The following HIVEP3 variants were observed in gnomAD, a reference collection of about 807,000 sequenced individuals.
HIVEP3 encodes HIVEP zinc finger 3, also known as transcription factor HIVEP3.
HIVEP3 carries 49 observed loss-of-function variants against 152.8 expected under a neutral mutation model. That is an observed-to-expected ratio of 0.32 (90% CI 0.26 to 0.41). The LOEUF (loss-of-function observed/expected upper bound fraction) is 0.41, where lower values mean the gene tolerates loss of function less well. Among genes scored for constraint, HIVEP3 ranks in the 10% least tolerant of loss-of-function variants. The pLI is 1.00. For synonymous variants in HIVEP3, 1,269 were observed against 1,289.0 expected (o/e 0.98, Z 0.33); for missense variants, 2,790 against 3,103.3 (o/e 0.90, Z 2.40).
At chr1:41,699,822 C>T (rs1190807653) in intron 2 of HIVEP3, among the ~76,000 whole-genome samples, 1 of 152,028 alleles carries the variant, frequency 6.6e-6, no homozygotes, top group African/African-American at 2.4e-5. Context: ...CCCTCCCACA[C>T]CCCGGTAGGG....
At chr1:41,744,121 C>A (rs566583281) in intron 1 of HIVEP3, among the ~76,000 whole-genome samples, 1 of 152,028 alleles carries the variant, frequency 6.6e-6, no homozygotes, top group Non-Finnish European at 1.5e-5. Flanking sequence ...CTCACTGCAA[C>A]CTCCGCCTCC....
At chr1:41,656,672 G>A (rs913411758) in intron 2 of HIVEP3, among the ~76,000 whole-genome samples, 16 of 152,188 alleles carry the variant, frequency 1.1e-4, no homozygotes, top group African/African-American at 3.4e-4. Flanking sequence ...TTTGTTCAGA[G>A]CCAGGTACTT....
At chr1:42,014,001 C>G (rs1331549995) in intron 1 of HIVEP3, among the ~76,000 whole-genome samples, 1 of 152,226 alleles carries the variant, frequency 6.6e-6, no homozygotes, top group African/African-American at 2.4e-5. Context: ...TGCACCCAGT[C>G]TGTCCTATGA....
At chr1:41,951,134 C>T (rs1338762746) in intron 1 of HIVEP3, among the ~76,000 whole-genome samples, 1 of 152,166 alleles carries the variant, frequency 6.6e-6, no homozygotes, top group East Asian at 1.9e-4. Flanking sequence ...ACATTAAAGT[C>T]TTTGACCATA....
intron 3 of HIVEP3, among the ~76,000 whole-genome samples, chr1:41,600,877 G>A (rs1644736572): frequency 6.6e-6 from 1 of 152,020 alleles, no homozygotes; most frequent in Non-Finnish European, 1.5e-5. Context: ...TTACATCCAA[G>A]TCTTTAATCC....
At chr1:41,933,450 A>G (rs1645004834) in intron 1 of HIVEP3, among the ~76,000 whole-genome samples, 1 of 152,118 alleles carries the variant, frequency 6.6e-6, no homozygotes, top group South Asian at 2.1e-4. Flanking sequence ...CATTGTTCTA[A>G]AAGTCTCACT....
intron 1 of HIVEP3, among the ~76,000 whole-genome samples, chr1:41,901,079 T>C (rs1004955812): frequency 2.0e-5 from 3 of 151,856 alleles, no homozygotes; most frequent in Non-Finnish European, 4.4e-5. Context: ...GCACTCGTCC[T>C]TAGGAGGAGG....
intron 2 of HIVEP3, among the ~76,000 whole-genome samples, chr1:41,653,953 C>CAAA (rs55707109): frequency 2.6e-4 from 12 of 46,208 alleles, no homozygotes; most frequent in Admixed American, 6.1e-4. Context: ...TTTTCTACTG[C>CAAA]AAAAAAAAAA....
intron 2 of HIVEP3, among the ~76,000 whole-genome samples, chr1:41,684,113 G>A (rs1293068029): frequency 1.3e-5 from 2 of 152,244 alleles, no homozygotes; most frequent in Non-Finnish European, 2.9e-5. Context: ...CCAGCAAGGG[G>A]AAGTGGTTAA....
At position 41,581,463 on chromosome 1, in the gene HIVEP3, C is replaced by T. The variant is rs1644407114; in HGVS notation, c.3335G>A (p.Gly1112Glu). 1.3e-6 allele frequency: 2 copies of T among 1,574,500 alleles called. No individual in the cohort carries two copies. The highest frequency in any genetic ancestry group is 1.4e-5 in the African/African-American group (1 of 73,782). The stretch of plus-strand genomic sequence containing the variant: ...TGCTTCTGTGTAGGGCACAGTGGGC[C>T]CCAATGGGGGCCTGTCCTGCCCTGG... ...KGPGQDRPPL[G>E]PTVPYTEALQ... The change falls in exon 4 of 9, where the codon GGG becomes GAG. Residue 1112 changes from glycine (G) to glutamate (E), a missense_variant. Physicochemically the swap from Gly to Glu is moderately conservative, Grantham distance 98 (BLOSUM62 -2). Coordinates refer to ENST00000372583, the MANE Select transcript of HIVEP3 (RefSeq NM_024503.5). This position sits in a 1 kb window ranked among gnomAD's most constrained non-coding sequence, Gnocchi z 4.5.
chr1:41,738,565 TAG>T (rs1384626593), intron 1 of HIVEP3, among the ~76,000 whole-genome samples: 1 of 152,178 alleles, frequency 6.6e-6, no homozygotes, highest in Non-Finnish European at 1.5e-5. Flanking sequence ...AGAAAGATAG[TAG>T]AGTCTGAGGC....
At chr1:41,744,261 G>T (rs1037514333) in intron 1 of HIVEP3, among the ~76,000 whole-genome samples, 18 of 152,232 alleles carry the variant, frequency 1.2e-4, no homozygotes, top group African/African-American at 2.4e-4. Flanking sequence ...GGATGGTCTC[G>T]ATCTCCTGAC....
At chr1:41,797,181 C>T (rs1359944344) in intron 1 of HIVEP3, among the ~76,000 whole-genome samples, 1 of 152,228 alleles carries the variant, frequency 6.6e-6, no homozygotes, top group South Asian at 2.1e-4. Context: ...CCAGGTCCCA[C>T]ACCTGGCTGA....
chr1:42,012,689 C>CAATAAA (rs60595950), intron 1 of HIVEP3, among the ~76,000 whole-genome samples: 4 of 150,382 alleles, frequency 2.7e-5, no homozygotes, highest in Non-Finnish European at 4.4e-5. Context: ...GACTCCCTCT[C>CAATAAA]AATAAAAATA....
intron 1 of HIVEP3, among the ~76,000 whole-genome samples, chr1:41,742,703 C>T (rs1647014747): frequency 6.6e-6 from 1 of 152,178 alleles, no homozygotes; most frequent in South Asian, 2.1e-4. Flanking sequence ...TCTATCTGCC[C>T]ACTGGGTCAG....
chr1:41,665,874 TAAC>T (rs903124678), intron 2 of HIVEP3, among the ~76,000 whole-genome samples: 3 of 152,124 alleles, frequency 2.0e-5, no homozygotes, highest in African/African-American at 7.2e-5. Context: ...TTCCAGCTTA[TAAC>T]AACAAAATTA....
intron 1 of HIVEP3, among the ~76,000 whole-genome samples, chr1:41,976,954 T>G (rs1645262781): frequency 6.6e-6 from 1 of 152,236 alleles, no homozygotes; most frequent in South Asian, 2.1e-4. Flanking sequence ...AACCATACAC[T>G]GCTGTTGTTC....
chr1:41,888,022 T>C (rs2124435993), intron 1 of HIVEP3, among the ~76,000 whole-genome samples: 1 of 151,472 alleles, frequency 6.6e-6, no homozygotes, highest in East Asian at 1.9e-4. Flanking sequence ...GGCTCTACTG[T>C]TAAGCCCAGC....
intron 5 of HIVEP3, among the ~76,000 whole-genome samples, chr1:41,558,151 G>A (rs1266559886): frequency 6.6e-6 from 1 of 152,136 alleles, no homozygotes; most frequent in Non-Finnish European, 1.5e-5. Flanking sequence ...GGCCTCTCAG[G>A]TGCCCCACCT....
Sources: gnomAD v4.1 joint callset for allele counts (sites outside exome capture counted in the v4.1 genomes callset) on GRCh38, gnomAD v4.1.1 for gene constraint, Gnocchi (gnomAD v3.1) non-coding constraint, MANE v1.5 for transcripts, NCBI Gene and HGNC (gene_info 2026-07-23, HGNC 2026-07-21) for gene names.